The following FAM81A variants were observed in gnomAD, a reference collection of about 807,000 sequenced individuals.
FAM81A encodes family with sequence similarity 81 member A, also known as protein FAM81A.
A neutral mutation model predicts 46.7 loss-of-function variants in FAM81A; 19 were observed. That is an observed-to-expected ratio of 0.41 (90% CI 0.28 to 0.60). FAM81A has a LOEUF of 0.60. Among genes scored for constraint, FAM81A ranks in the 20% least tolerant of loss-of-function variants. The pLI is 0.34. For missense variants in FAM81A, 377 were observed against 453.5 expected, an observed-to-expected ratio of 0.83 and a Z score of 1.53; for synonymous variants, 183 against 152.9, an observed-to-expected ratio of 1.20 and a Z score of -1.45.
intron 2 of FAM81A, among the ~76,000 whole-genome samples, chr15:59,432,711 C>G (rs2081225766): frequency 6.6e-6 from 1 of 152,094 alleles, no homozygotes; most frequent in South Asian, 2.1e-4. Context: ...GCATTTAGCA[C>G]AGGGTCTGAC....
chr15:59,426,911 ACT>A (rs1212045746), intron 2 of FAM81A, among the ~76,000 whole-genome samples: 5 of 152,054 alleles, frequency 3.3e-5, no homozygotes, highest in African/African-American at 1.2e-4. Context: ...ATTTCTTTTA[ACT>A]CTTAGCATTA....
At chr15:59,433,739 A>T (rs1404375208), upstream of FAM81A, among the ~76,000 whole-genome samples, 2 of 152,260 alleles carry the variant, frequency 1.3e-5, no homozygotes, top group African/African-American at 4.8e-5. Context: ...GTATTGTGTT[A>T]ATTGGTTATT....
chr15:59,516,464 C>T (rs986886965), intron 7 of FAM81A, among the ~76,000 whole-genome samples, 181 bp from the exon 8 acceptor site: 1 of 152,102 alleles, frequency 6.6e-6, no homozygotes, highest in African/African-American at 2.4e-5. Flanking sequence ...TGACCTTGTA[C>T]CCAGCCGAAA....
intron 1 of FAM81A, among the ~76,000 whole-genome samples, chr15:59,445,845 T>G (rs1043254138): frequency 1.3e-5 from 2 of 152,112 alleles, no homozygotes; most frequent in Non-Finnish European, 2.9e-5. Flanking sequence ...TTTGGTAATG[T>G]ATCTTTTCTA....
At chr15:59,445,699 A>T (rs985230174) in intron 1 of FAM81A, 14 of 152,222 alleles carry the variant, frequency 9.2e-5, no homozygotes, top group Non-Finnish European at 1.5e-5. Flanking sequence ...AAAAGTCACC[A>T]CCAGCATTCT....
chr15:59,512,006 C>T lies in FAM81A; in HGVS notation c.651-2283C>T, dbSNP rs374834547. Among the ~76,000 whole-genome samples the T allele has an allele frequency of 1.8e-4, 27 of 152,218 alleles. No individual in the cohort carries two copies. The South Asian group carries it at 5.6e-3, about 32-fold the overall frequency. On this transcript the variant is annotated intron_variant, in intron 6 of 8. Coordinates refer to ENST00000288228, the MANE Select transcript of FAM81A (RefSeq NM_152450.3). ...ATAAAAACAAACCAAAACAAATGTC[C>T]ATCAACAGAAGACTGGATAAGCTGT...
At chr15:59,483,382 C>T (rs552021561) in intron 3 of FAM81A, among the ~76,000 whole-genome samples, 1 of 151,932 alleles carries the variant, frequency 6.6e-6, no homozygotes, top group Non-Finnish European at 1.5e-5. Flanking sequence ...CAGGTTTCCA[C>T]TGAGGGAAAC....
intron 3 of FAM81A, among the ~76,000 whole-genome samples, chr15:59,475,817 A>C (rs2081759599): frequency 1.3e-5 from 2 of 152,244 alleles, no homozygotes; most frequent in Non-Finnish European, 2.9e-5. Flanking sequence ...TTATGAACTT[A>C]AGCATGTCTA....
chr15:59,435,435 C>T (rs193269674), upstream of FAM81A, among the ~76,000 whole-genome samples: 529 of 152,176 alleles, frequency 3.5e-3, 3 homozygotes, highest in Non-Finnish European at 6.1e-3. Flanking sequence ...GCCTGGCCAA[C>T]ATGGCAAAAC....
At chr15:59,418,195 T>G (rs1258619444) in intron 2 of FAM81A, among the ~76,000 whole-genome samples, 2 of 152,190 alleles carry the variant, frequency 1.3e-5, no homozygotes, top group East Asian at 3.9e-4. Flanking sequence ...TAGCATTCTC[T>G]TCACAGTGCA....
chr15:59,457,340 C>G (rs2081497413), intron 1 of FAM81A, among the ~76,000 whole-genome samples: 1 of 152,168 alleles, frequency 6.6e-6, no homozygotes, highest in Non-Finnish European at 1.5e-5. Flanking sequence ...CACTTAATAG[C>G]CATCTCTGTT....
intron 1 of FAM81A, among the ~76,000 whole-genome samples, chr15:59,399,258 T>A (rs1426222233): frequency 6.6e-6 from 1 of 152,202 alleles, no homozygotes; most frequent in Non-Finnish European, 1.5e-5. Flanking sequence ...GTCTTCTCCC[T>A]ATAAAATCAT....
At chr15:59,495,963 C>G (rs2082028890) in intron 4 of FAM81A, among the ~76,000 whole-genome samples, 1 of 152,090 alleles carries the variant, frequency 6.6e-6, no homozygotes, top group South Asian at 2.1e-4. Context: ...CTGTCCCATT[C>G]TAAGGGATGT....
intron 3 of FAM81A, among the ~76,000 whole-genome samples, chr15:59,488,946 C>T (rs113432991): frequency 0.017 from 2,499 of 150,806 alleles, 84 homozygotes; most frequent in African/African-American, 0.057. Context: ...CTGGGTTCAG[C>T]GCAAGACCCT....
At chr15:59,451,567 C>A (rs1020115509) in intron 1 of FAM81A, among the ~76,000 whole-genome samples, 2 of 152,020 alleles carry the variant, frequency 1.3e-5, no homozygotes, top group Non-Finnish European at 2.9e-5. Flanking sequence ...ATTCTTCTGC[C>A]TGAGCCTTCC....
intron 2 of FAM81A, among the ~76,000 whole-genome samples, chr15:59,412,796 C>T (rs1282212629): frequency 6.6e-6 from 1 of 151,796 alleles, no homozygotes; most frequent in Non-Finnish European, 1.5e-5. Flanking sequence ...TGGAGTGGCC[C>T]GAGGGAAACT....
intron 3 of FAM81A, among the ~76,000 whole-genome samples, chr15:59,468,233 A>T (rs1460727038): frequency 6.6e-6 from 1 of 152,174 alleles, no homozygotes. Context: ...AAAGTGAGTT[A>T]GGGAGGATTC....
intron 2 of FAM81A, among the ~76,000 whole-genome samples, chr15:59,419,226 C>T (rs1021759836): frequency 2.4e-4 from 37 of 152,140 alleles, no homozygotes; most frequent in African/African-American, 7.7e-4. Flanking sequence ...AAAGCAATTA[C>T]AAAAACCATC....
intron 2 of FAM81A, among the ~76,000 whole-genome samples, chr15:59,404,827 T>A (rs1376939416): frequency 1.3e-5 from 2 of 152,246 alleles, no homozygotes; most frequent in Admixed American, 6.5e-5. Context: ...ACTCTTCCAA[T>A]GGCTTTTCAA....
Sources: allele counts gnomAD v4.1 joint callset (sites outside exome capture counted in the v4.1 genomes callset), GRCh38; gene constraint gnomAD v4.1.1; transcripts MANE v1.5; gene names NCBI Gene and HGNC (gene_info 2026-07-23, HGNC 2026-07-21).